The following STK39 variants were observed in gnomAD, a reference collection of about 807,000 sequenced individuals.
The protein encoded by STK39 is serine/threonine kinase 39, also known as STE20/SPS1-related proline-alanine-rich protein kinase.
Under a neutral mutation model 77.8 loss-of-function variants are expected in STK39, and 20 were observed. The ratio of observed to expected loss-of-function variants is 0.26; its 90% CI spans 0.18 to 0.37. The LOEUF (loss-of-function observed/expected upper bound fraction) is 0.37, where lower values mean the gene tolerates loss of function less well. STK39 is among the 10% of genes least tolerant of loss of function. The pLI is 1.00. For missense variants in STK39, 479 were observed against 656.5 expected (o/e 0.73, Z 2.95); for synonymous variants, 246 against 234.1 (o/e 1.05, Z -0.47).
chr2:168,036,154 T>C (rs751404732), intron 14 of STK39, among the ~76,000 whole-genome samples: 45 of 152,090 alleles, frequency 3.0e-4, no homozygotes, highest in Non-Finnish European at 5.9e-4. Context: ...AATATATTTT[T>C]CTCTGGGATT....
rs1342151297 is a variant in STK39, at chr2:168,074,972, C to G, written c.1242+10G>C. On this transcript the variant is annotated intron_variant, in intron 12 of 17. Coordinates refer to ENST00000355999, the MANE Select transcript of STK39 (RefSeq NM_013233.3). Reference sequence around the variant, plus strand: ...AATGGCAAAATAATAAATAAATAGCCACAGCTCACCTCTGGATTTTCTTCT... The same window carrying G: ...AATGGCAAAATAATAAATAAATAGCGACAGCTCACCTCTGGATTTTCTTCT... 1 of 1,612,614 alleles carries G rather than the reference C, an allele frequency of 6.2e-7. No homozygotes were observed. The highest frequency in any genetic ancestry group is 8.5e-7 in the Non-Finnish European group (1 of 1,179,872).
chr2:168,236,479 G>T (rs1282921434), intron 1 of STK39, among the ~76,000 whole-genome samples: 2 of 152,040 alleles, frequency 1.3e-5, no homozygotes, highest in African/African-American at 4.8e-5. Flanking sequence ...GTCAATTTTG[G>T]CTTTTGTTGC....
intron 5 of STK39, among the ~76,000 whole-genome samples, chr2:168,153,055 A>G (rs10170500): frequency 0.25 from 38,105 of 152,116 alleles, 6,819 homozygotes; most frequent in African/African-American, 0.49. Flanking sequence ...ATTGTTTTAC[A>G]AAGTTTTCAG....
intron 17 of STK39, chr2:167,964,429 G>A (rs183752176): frequency 5.2e-5 from 24 of 457,292 alleles, no homozygotes; most frequent in African/African-American, 4.7e-4. Flanking sequence ...GCCGCTCTTA[G>A]TCAAAGGTGT....
chr2:168,008,352 G>A (rs1684184624), intron 16 of STK39, among the ~76,000 whole-genome samples: 1 of 152,180 alleles, frequency 6.6e-6, no homozygotes, highest in Non-Finnish European at 1.5e-5. Flanking sequence ...TGGATGTGAA[G>A]TATGAGAGAA....
chr2:168,012,598 C>A, intron 16 of STK39, 36 bp downstream of exon 16: 1 of 1,564,420 alleles, frequency 6.4e-7, no homozygotes. Flanking sequence ...TTTTATATAC[C>A]AACAAAATGA....
intron 16 of STK39, among the ~76,000 whole-genome samples, chr2:167,990,167 T>C (rs1683664427): frequency 6.6e-6 from 1 of 152,138 alleles, no homozygotes; most frequent in Non-Finnish European, 1.5e-5. Context: ...TTATCAAAGA[T>C]GCAGCTGCCT....
chr2:167,986,991 A>G (rs968810189), intron 16 of STK39, among the ~76,000 whole-genome samples: 5 of 152,228 alleles, frequency 3.3e-5, no homozygotes, highest in Admixed American at 3.3e-4. Flanking sequence ...AAGGGCCAAC[A>G]AGACTGTGGG....
At chr2:168,043,923 T>G (rs189767832) in intron 14 of STK39, among the ~76,000 whole-genome samples, 11 of 152,328 alleles carry the variant, frequency 7.2e-5, no homozygotes, top group Admixed American at 7.2e-4. Context: ...TTCCCTACAC[T>G]CGCAATTCTT....
chr2:168,146,498 T>G (rs1180674785), intron 5 of STK39, among the ~76,000 whole-genome samples: 1 of 152,122 alleles, frequency 6.6e-6, no homozygotes, highest in Admixed American at 6.5e-5. Context: ...AGTGGCTGGG[T>G]GGGAGTCTGG....
At chr2:168,035,683 C>T (rs961454554) in intron 14 of STK39, among the ~76,000 whole-genome samples, 3 of 152,172 alleles carry the variant, frequency 2.0e-5, no homozygotes, top group African/African-American at 7.2e-5. Flanking sequence ...AAGTACCATA[C>T]TGACTGTGCT....
intron 14 of STK39, among the ~76,000 whole-genome samples, chr2:168,059,496 C>A (rs115805414): frequency 9.7e-4 from 147 of 152,190 alleles, no homozygotes; most frequent in African/African-American, 3.5e-3. Context: ...CCTGAAAGGG[C>A]AAGAATCATG....
At chr2:167,985,511 T>C (rs1404902044) in intron 16 of STK39, among the ~76,000 whole-genome samples, 1 of 152,176 alleles carries the variant, frequency 6.6e-6, no homozygotes, top group East Asian at 1.9e-4. Context: ...AAGTTGTTCA[T>C]CCTACATTTG....
At chr2:168,066,027 CCAA>C (rs200256565) in intron 12 of STK39, among the ~76,000 whole-genome samples, 2 of 150,318 alleles carry the variant, frequency 1.3e-5, no homozygotes, top group African/African-American at 4.9e-5. Context: ...AAAAACAACA[CCAA>C]CAACAACAAC....
chr2:168,202,139 T>A (rs1689626772), intron 1 of STK39, among the ~76,000 whole-genome samples: 1 of 152,178 alleles, frequency 6.6e-6, no homozygotes, highest in South Asian at 2.1e-4. Flanking sequence ...CCAACTGGGT[T>A]ACTGTGACAA....
intron 10 of STK39, among the ~76,000 whole-genome samples, chr2:168,078,705 A>G (rs903946170): frequency 4.0e-5 from 6 of 150,722 alleles, no homozygotes; most frequent in Non-Finnish European, 8.9e-5. Flanking sequence ...ACCAAAACTT[A>G]GTAGAATTTG....
chr2:168,221,265 C>G lies in STK39; in HGVS notation c.208+25963G>C, dbSNP rs564227005. On this transcript the variant is annotated intron_variant, in intron 1 of 17. Coordinates refer to ENST00000355999, the MANE Select transcript of STK39 (RefSeq NM_013233.3). ...TTGTTTCTTTTCGTTATTTCTCTTC[C>G]TTGTTGAAAGTTTAAACATTGATTG... Among the ~76,000 whole-genome samples, 7 of 152,222 alleles carry G rather than the reference C, an allele frequency of 4.6e-5. No homozygotes were observed. The East Asian group carries it at 9.7e-4, about 21-fold the overall frequency.
intron 10 of STK39, among the ~76,000 whole-genome samples, chr2:168,123,628 T>C (rs926481147): frequency 5.9e-5 from 9 of 151,972 alleles, no homozygotes; most frequent in Non-Finnish European, 7.4e-5. Context: ...CCAGCACTTT[T>C]AGAGGCCCAG....
intron 10 of STK39, among the ~76,000 whole-genome samples, chr2:168,083,229 T>C (rs1686284344): frequency 8.1e-6 from 1 of 123,686 alleles, no homozygotes; most frequent in Non-Finnish European, 1.6e-5. Flanking sequence ...CACATTCTCC[T>C]TTTTTTTTTT....
Sources: allele counts gnomAD v4.1 joint callset (sites outside exome capture counted in the v4.1 genomes callset), GRCh38; gene constraint gnomAD v4.1.1; transcripts MANE v1.5; gene names NCBI Gene and HGNC (gene_info 2026-07-23, HGNC 2026-07-21).